FBXL17: variants seen among roughly 807,000 people sequenced by gnomAD.
The protein encoded by FBXL17 is F-box/LRR-repeat protein 17.
In FBXL17, 22 loss-of-function variants were observed where a neutral mutation model predicts 66.2. The ratio of observed to expected loss-of-function variants is 0.33; its 90% CI spans 0.24 to 0.47. The LOEUF (loss-of-function observed/expected upper bound fraction) is 0.47. Among genes scored for constraint, FBXL17 ranks in the 20% least tolerant of loss-of-function variants. FBXL17 has a pLI of 1.00. For missense variants in FBXL17, 878 were observed against 948.2 expected, an observed-to-expected ratio of 0.93 and a Z score of 0.97; for synonymous variants, 474 against 400.5, an observed-to-expected ratio of 1.18 and a Z score of -2.19.
rs537743492 is a variant in FBXL17, at chr5:108,265,326, A to G, written c.1507-41098T>C. 3.5e-4 allele frequency among the ~76,000 whole-genome samples: 53 copies of G among 152,236 alleles called. 1 individual carries two copies. Among genetic ancestry groups the G allele is most frequent in the Middle Eastern group, 3.4e-3 (1 of 292 alleles). On this transcript the variant is annotated intron_variant, in intron 4 of 8. Coordinates refer to ENST00000542267, the MANE Select transcript of FBXL17 (RefSeq NM_001163315.3). Reference sequence around the variant, plus strand: ...TTTGACATTTAAAGATATTAATACAATTCTTAAATCTAGACAACTGACCCA... The same window carrying G: ...TTTGACATTTAAAGATATTAATACAGTTCTTAAATCTAGACAACTGACCCA...
chr5:108,354,538 AAGAG>A (rs1400366183), intron 3 of FBXL17, among the ~76,000 whole-genome samples: 1 of 152,024 alleles, frequency 6.6e-6, no homozygotes, highest in African/African-American at 2.4e-5. Context: ...ATACCAAGAA[AAGAG>A]AGAGAGACAG....
chr5:107,919,307 A>T (rs771303492), intron 7 of FBXL17, among the ~76,000 whole-genome samples: 2 of 152,172 alleles, frequency 1.3e-5, no homozygotes, highest in Non-Finnish European at 2.9e-5. Flanking sequence ...TCCAGGATCC[A>T]ACAGCTTCTC....
chr5:107,911,440 G>C (rs751090749), intron 7 of FBXL17, among the ~76,000 whole-genome samples: 1 of 152,102 alleles, frequency 6.6e-6, no homozygotes, highest in Non-Finnish European at 1.5e-5. Flanking sequence ...ATCTGACTTT[G>C]TGTTGCAGAG....
chr5:108,103,510 A>G (rs1749677531), intron 6 of FBXL17, among the ~76,000 whole-genome samples: 1 of 152,196 alleles, frequency 6.6e-6, no homozygotes, highest in Non-Finnish European at 1.5e-5. Flanking sequence ...ATAAAATACT[A>G]TTAATCTAAT....
At chr5:108,230,254 A>G (rs1480056957) in intron 4 of FBXL17, among the ~76,000 whole-genome samples, 1 of 152,206 alleles carries the variant, frequency 6.6e-6, no homozygotes, top group Non-Finnish European at 1.5e-5. Flanking sequence ...CATTATATGA[A>G]AAAGATACTT....
chr5:108,097,634 C>T (rs1300244938), intron 6 of FBXL17, among the ~76,000 whole-genome samples: 3 of 151,642 alleles, frequency 2.0e-5, no homozygotes, highest in Non-Finnish European at 4.4e-5. Flanking sequence ...ACTAAAAACA[C>T]AAAAATTAGC....
chr5:108,230,943 A>AT (rs1192920943), intron 4 of FBXL17, among the ~76,000 whole-genome samples: 3 of 119,194 alleles, frequency 2.5e-5, no homozygotes, highest in Non-Finnish European at 5.9e-5. Flanking sequence ...AGTTATGGAA[A>AT]TTTTTTTTAA....
At chr5:108,296,449 C>T (rs1306256599) in intron 4 of FBXL17, among the ~76,000 whole-genome samples, 2 of 151,712 alleles carry the variant, frequency 1.3e-5, no homozygotes, top group Admixed American at 6.6e-5. Flanking sequence ...GCTAATAATA[C>T]ATCTAATACT....
intron 6 of FBXL17, among the ~76,000 whole-genome samples, chr5:108,107,804 T>C (rs1251900914): frequency 2.4e-5 from 3 of 123,366 alleles, no homozygotes; most frequent in African/African-American, 8.5e-5. Flanking sequence ...ACAGCAAGAC[T>C]CTGTCTCAAA....
chr5:107,976,118 A>T (rs1046019888), intron 7 of FBXL17, among the ~76,000 whole-genome samples: 2 of 152,098 alleles, frequency 1.3e-5, no homozygotes, highest in Non-Finnish European at 2.9e-5. Context: ...CTGCCTCCCA[A>T]AGTGCTGGGA....
intron 4 of FBXL17, among the ~76,000 whole-genome samples, chr5:108,312,829 G>A (rs1190327935): frequency 1.3e-5 from 2 of 151,872 alleles, no homozygotes; most frequent in African/African-American, 2.4e-5. Context: ...CTCCAATACC[G>A]ATAATTTCTA....
chr5:107,914,209 G>A lies in FBXL17; in HGVS notation c.1823-33030C>T, dbSNP rs568853202. Among the ~76,000 whole-genome samples the A allele has an allele frequency of 7.4e-4, 112 of 152,206 alleles. 1 individual carries two copies. The South Asian group carries it at 0.022, about 30-fold the overall frequency. ...ATCAGAGAGTATAGTCAATTTAAGT[G>A]GATTGATGGGTTACTAGAGTCATGG... On this transcript the variant is annotated intron_variant, in intron 7 of 8. Transcript: ENST00000542267.
chr5:108,308,335 C>G (rs1216591409), intron 4 of FBXL17, among the ~76,000 whole-genome samples: 4 of 151,912 alleles, frequency 2.6e-5, no homozygotes, highest in Non-Finnish European at 5.9e-5. Context: ...TATATGTTAT[C>G]TCATTATAAT....
chr5:108,135,780 C>T (rs1751109854), intron 6 of FBXL17, among the ~76,000 whole-genome samples: 1 of 152,074 alleles, frequency 6.6e-6, no homozygotes, highest in South Asian at 2.1e-4. Context: ...ATTTCCTCTC[C>T]AATCAATCAC....
chr5:108,255,505 G>T (rs772070686), intron 4 of FBXL17, among the ~76,000 whole-genome samples: 1 of 152,076 alleles, frequency 6.6e-6, no homozygotes, highest in Non-Finnish European at 1.5e-5. Flanking sequence ...TCTAATAACT[G>T]ATTTTTAATT....
chr5:108,049,325 T>C (rs1442249834), intron 6 of FBXL17, among the ~76,000 whole-genome samples: 2 of 151,806 alleles, frequency 1.3e-5, no homozygotes, highest in Admixed American at 6.6e-5. Flanking sequence ...TTTTTTTTAA[T>C]CTTTAGTACA....
chr5:108,025,507 A>G (rs1754766283), intron 6 of FBXL17, among the ~76,000 whole-genome samples: 1 of 152,142 alleles, frequency 6.6e-6, no homozygotes, highest in Admixed American at 6.6e-5. Flanking sequence ...GTTTAGGTTG[A>G]ATAAACGTGT....
chr5:108,148,816 T>C (rs750669473), intron 6 of FBXL17, among the ~76,000 whole-genome samples: 4 of 152,192 alleles, frequency 2.6e-5, no homozygotes, highest in Non-Finnish European at 5.9e-5. Flanking sequence ...TTCTGATGGC[T>C]GCCACTAAGT....
At chr5:108,109,025 C>T (rs182137133) in intron 6 of FBXL17, among the ~76,000 whole-genome samples, 23 of 152,096 alleles carry the variant, frequency 1.5e-4, no homozygotes, top group Admixed American at 1.4e-3. Flanking sequence ...TCAGGTGATC[C>T]GCCCACCTCG....
Sources: allele counts gnomAD v4.1 joint callset (sites outside exome capture counted in the v4.1 genomes callset), GRCh38; gene constraint gnomAD v4.1.1; transcripts MANE v1.5; gene names NCBI Gene and HGNC (gene_info 2026-07-23, HGNC 2026-07-21).